The following VPS35L variants were observed in gnomAD, a reference collection of about 807,000 sequenced individuals.
VPS35L encodes the protein VPS35 endosomal protein sorting factor like.
A neutral mutation model predicts 133.0 loss-of-function variants in VPS35L; 83 were observed. The observed-to-expected ratio is 0.62, with a 90% CI of 0.52 to 0.75. The LOEUF (loss-of-function observed/expected upper bound fraction) is 0.75, where lower values mean the gene tolerates loss of function less well. Ranked by LOEUF, VPS35L falls within the 30% of genes least tolerant of loss-of-function variation. The pLI is 0.00. For missense variants in VPS35L, 1,083 were observed against 1,206.8 expected (o/e 0.90, Z 1.52); for synonymous variants, 423 against 449.9 (o/e 0.94, Z 0.76).
intron 1 of VPS35L, among the ~76,000 whole-genome samples, chr16:19,560,919 T>C (rs1971009002): frequency 6.6e-6 from 1 of 152,052 alleles, no homozygotes; most frequent in South Asian, 2.1e-4. Context: ...AATCGAGGAT[T>C]GCCTGATAGC....
chr16:19,625,372 G>A lies in VPS35L; in HGVS notation c.1225-805G>A, dbSNP rs563042525. On this transcript the variant is annotated intron_variant, in intron 14 of 30. Transcript: ENST00000417362. ...GGCACTAAGCTCTAGCCCAGTGTTT[G>A]TTGCTGATATTACTAAGTGCACCTT... 8.5e-5 allele frequency among the ~76,000 whole-genome samples: 13 copies of A among 152,302 alleles called. No homozygotes were observed. In the South Asian group the frequency reaches 2.7e-3, roughly 32 times the overall value.
chr16:19,626,269 G>C lies in VPS35L; in HGVS notation c.1271+46G>C. Reference sequence around the variant, plus strand: ...AAAGCATGAGTTTGAAAATGGCGTTGGCTGCTATTTTTGAGCTTGGCCTGC... The same window carrying C: ...AAAGCATGAGTTTGAAAATGGCGTTCGCTGCTATTTTTGAGCTTGGCCTGC... On this transcript the variant is annotated intron_variant, in intron 15 of 30. Transcript: ENST00000417362. The C allele has an allele frequency of 5.6e-6, 8 of 1,440,180 alleles. 1 individual carries two copies. The highest frequency in any genetic ancestry group is 6.8e-6 in the Non-Finnish European group (7 of 1,028,586). 89.2% of individuals were successfully genotyped at this position (1,440,180 alleles called of 1,614,324 possible).
chr16:19,567,372 TGTATAGAATAA>T (rs1171124537), intron 2 of VPS35L, among the ~76,000 whole-genome samples: 1 of 152,166 alleles, frequency 6.6e-6, no homozygotes, highest in African/African-American at 2.4e-5. Flanking sequence ...GGTGACCTGC[TGTATAGAATAA>T]GTTGATAGAT....
intron 21 of VPS35L, among the ~76,000 whole-genome samples, 180 bp downstream of exon 21, chr16:19,640,280 T>C (rs913424390): frequency 6.6e-6 from 1 of 151,954 alleles, no homozygotes; most frequent in Admixed American, 6.6e-5. Flanking sequence ...TAATTCGTGT[T>C]TAAGAAGACA....
intron 21 of VPS35L, among the ~76,000 whole-genome samples, chr16:19,641,360 C>T (rs543102974): frequency 1.3e-5 from 2 of 152,302 alleles, no homozygotes; most frequent in African/African-American, 4.8e-5. Context: ...AGCCACCACA[C>T]CCGGCCTGTT....
intron 12 of VPS35L, among the ~76,000 whole-genome samples, chr16:19,614,280 TC>T (rs1376266711): frequency 6.6e-6 from 1 of 152,218 alleles, no homozygotes; most frequent in Non-Finnish European, 1.5e-5. Context: ...AAACAGCACT[TC>T]CTGTACCCAG....
chr16:19,570,004 G>A (rs902099575), intron 3 of VPS35L, among the ~76,000 whole-genome samples: 6 of 152,152 alleles, frequency 3.9e-5, no homozygotes, highest in Non-Finnish European at 7.4e-5. Flanking sequence ...TGACATGAGA[G>A]GCTGGTGTAG....
chr16:19,692,450 A>G (rs543637569), intron 29 of VPS35L, among the ~76,000 whole-genome samples: 25 of 152,298 alleles, frequency 1.6e-4, no homozygotes, highest in African/African-American at 5.8e-4. Context: ...AGAGCCGTTG[A>G]TATTTCCTCT....
At chr16:19,605,644 C>G (rs1219784603) in intron 9 of VPS35L, among the ~76,000 whole-genome samples, 3 of 152,232 alleles carry the variant, frequency 2.0e-5, no homozygotes, top group Non-Finnish European at 2.9e-5. Context: ...CTAGGCATGG[C>G]TGGCTCCCTT....
At chr16:19,602,139 A>T (rs1972404342) in intron 9 of VPS35L, among the ~76,000 whole-genome samples, 1 of 152,210 alleles carries the variant, frequency 6.6e-6, no homozygotes, top group South Asian at 2.1e-4. Context: ...TTGAATTCAC[A>T]ATCTATACCC....
At chr16:19,615,536 G>T (rs969852262) in intron 12 of VPS35L, among the ~76,000 whole-genome samples, 8 of 152,090 alleles carry the variant, frequency 5.3e-5, no homozygotes, top group Admixed American at 1.3e-4. Flanking sequence ...TGTAATCCCT[G>T]CTACTTGGGA....
At chr16:19,650,837 AC>A (rs1974100492) in intron 25 of VPS35L, among the ~76,000 whole-genome samples, 1 of 152,006 alleles carries the variant, frequency 6.6e-6, no homozygotes, top group Non-Finnish European at 1.5e-5. Flanking sequence ...TGTTCTTGTA[AC>A]TGAAAGGCCT....
intron 13 of VPS35L, 126 bp downstream of exon 13, chr16:19,616,317 T>C: frequency 1.3e-6 from 1 of 760,440 alleles, no homozygotes; most frequent in Non-Finnish European, 2.2e-6. Flanking sequence ...CCCTGGAAAA[T>C]TACACTAGCT....
intron 9 of VPS35L, 138 bp downstream of exon 9, chr16:19,601,861 A>T (rs1304529333): frequency 1.3e-6 from 1 of 793,940 alleles, no homozygotes; most frequent in East Asian, 2.8e-5. Context: ...ACCTTTGAAG[A>T]TTTCTGATCA....
intron 9 of VPS35L, among the ~76,000 whole-genome samples, chr16:19,603,596 T>A (rs978372610): frequency 6.6e-6 from 1 of 152,200 alleles, no homozygotes; most frequent in African/African-American, 2.4e-5. Flanking sequence ...ACGATGTTTT[T>A]TCAGCAGCTC....
rs10596954 is a variant in VPS35L, at chr16:19,600,258, G to GA, written c.725-1391dup. The stretch of plus-strand genomic sequence containing the variant: ...TTTATTGCCCTGAATAAAGGGTTAT[G>GA]AAAAAAAAAAAAAAATCTCATAGAG... On this transcript the variant is annotated intron_variant, in intron 8 of 30. Coordinates refer to ENST00000417362, the MANE Select transcript of VPS35L (RefSeq NM_020314.7). Among the ~76,000 whole-genome samples, 105 of 145,766 alleles carry GA rather than the reference G, an allele frequency of 7.2e-4. 1 individual carries two copies. Among genetic ancestry groups the GA allele is most frequent in the African/African-American group, 1.1e-3 (45 of 40,362 alleles).
intron 16 of VPS35L, among the ~76,000 whole-genome samples, chr16:19,628,072 A>C (rs925867938): frequency 6.6e-6 from 1 of 152,190 alleles, no homozygotes; most frequent in Admixed American, 6.5e-5. Context: ...TAACATATTT[A>C]AGAATATATC....
intron 8 of VPS35L, among the ~76,000 whole-genome samples, chr16:19,600,322 A>G (rs551680348): frequency 6.6e-6 from 1 of 152,324 alleles, no homozygotes; most frequent in South Asian, 2.1e-4. Context: ...AGGAGAGCTT[A>G]GAAAATGAAT....
rs1451566329 is a variant in VPS35L at position 19,699,934 on chromosome 16, C to CA, written c.2793+292dup. Among the ~76,000 whole-genome samples, 4 of 152,130 alleles carry CA rather than the reference C, an allele frequency of 2.6e-5. No individual in the cohort carries two copies. The highest frequency in any genetic ancestry group is 5.9e-5 in the Non-Finnish European group (4 of 67,988). ...GCAACATAGTGAGACCAGGTCTCTA[C>CA]AAAAAATAAAAAATTAGCCGGCCAT... On this transcript the variant is annotated intron_variant, in intron 30 of 30. Coordinates refer to ENST00000417362, the MANE Select transcript of VPS35L (RefSeq NM_020314.7). The surrounding 1 kb of genome is among the most constrained non-coding windows in gnomAD (Gnocchi z 4.2).
Sources: gnomAD v4.1 joint callset for allele counts (sites outside exome capture counted in the v4.1 genomes callset) on GRCh38, gnomAD v4.1.1 for gene constraint, Gnocchi (gnomAD v3.1) non-coding constraint, MANE v1.5 for transcripts, NCBI Gene and HGNC (gene_info 2026-07-23, HGNC 2026-07-21) for gene names.